Variants in PKHD1L1 observed in about 807,000 individuals in gnomAD.
PKHD1L1 encodes fibrocystin-L.
Under a neutral mutation model 462.9 loss-of-function variants are expected in PKHD1L1, and 434 were observed. The ratio of observed to expected loss-of-function variants is 0.94; its 90% confidence interval spans 0.87 to 1.02. The LOEUF (loss-of-function observed/expected upper bound fraction) is 1.02. Among genes scored for constraint, PKHD1L1 ranks in the 50% least tolerant of loss-of-function variants. The pLI is 0.00. For missense variants in PKHD1L1, 5,202 were observed against 5,096.1 expected (o/e 1.02, Z -0.63); for synonymous variants, 1,781 against 1,750.0 (o/e 1.02, Z -0.44).
chr8:109,451,006 T>C lies in PKHD1L1; in HGVS notation c.6207T>C (p.Ser2069=), dbSNP rs1816459234. Residue 2069 remains serine, a synonymous_variant, in exon 41 of 78, where the codon AGT becomes AGC. Transcript: ENST00000378402. The part of the protein sequence containing the change: ...GTGAEQACEV[S]VVNGKDLSQS... ...GAGCTGAGCAAGCCTGTGAAGTGAGTGTGGTTAATGGGAAAGATTTGTCAC... is the reference window on the plus strand; with the variant it reads ...GAGCTGAGCAAGCCTGTGAAGTGAGCGTGGTTAATGGGAAAGATTTGTCAC... The C allele has an allele frequency of 6.2e-7, 1 of 1,612,412 alleles. No individual in the cohort carries two copies. The highest frequency in any genetic ancestry group is 1.3e-5 in the African/African-American group (1 of 74,862).
intron 9 of PKHD1L1, 56 bp downstream of exon 9, chr8:109,390,550 TA>T: frequency 9.9e-7 from 1 of 1,013,148 alleles, no homozygotes; most frequent in South Asian, 2.0e-5. Context: ...GTAAATAAGA[TA>T]AAATGTATAT....
At position 109,443,892 on chromosome 8, in the gene PKHD1L1, G is replaced by A; in HGVS notation, c.4781G>A (p.Trp1594Ter). 1 of 1,604,844 alleles carries A rather than the reference G, an allele frequency of 6.2e-7. No individual in the cohort carries two copies. Among genetic ancestry groups the A allele is most frequent in the Non-Finnish European group, 8.5e-7 (1 of 1,172,390 alleles). ...IIGHGFSNLP[W>*]ANKVTIGSYP... is the part of the protein sequence containing the mutation. ...GGACATGGCTTTAGTAATCTCCCAT[G>A]GGCTAATAAGGTAAGAATATAAATA... The change falls in exon 37 of 78, where the codon TGG becomes TAG. Residue 1594 changes from tryptophan to a stop codon, truncating the protein, a stop_gained. Coordinates refer to ENST00000378402, the MANE Select transcript of PKHD1L1 (RefSeq NM_177531.6). LOFTEE classifies it high-confidence loss of function.
intron 50 of PKHD1L1, chr8:109,471,062 T>A: frequency 1.9e-6 from 3 of 1,583,080 alleles, no homozygotes; most frequent in Non-Finnish European, 2.6e-6. Flanking sequence ...TGCGATGAAA[T>A]CTTCTCCTCA....
intron 23 of PKHD1L1, among the ~76,000 whole-genome samples, chr8:109,423,515 A>G (rs1274744275): frequency 2.0e-5 from 3 of 152,086 alleles, no homozygotes; most frequent in Non-Finnish European, 4.4e-5. Flanking sequence ...CACATTCTTG[A>G]CTATTGTATC....
Position 109,504,358 on chromosome 8 carries a change from T to C in PKHD1L1, c.10860T>C (p.Cys3620=), listed in dbSNP as rs1387304735. The C allele has an allele frequency of 2.1e-5, 31 of 1,487,668 alleles. No homozygotes were observed. Among genetic ancestry groups the C allele is most frequent in the Non-Finnish European group, 2.8e-5 (31 of 1,099,614 alleles). The allele number at this position is 1,487,668 out of a possible 1,614,324, so 92.2% of individuals were successfully genotyped here. The change falls in exon 68 of 78, where the codon TGT becomes TGC. Residue 3620 remains cysteine (C), a synonymous_variant. Transcript: ENST00000378402. ...GSTFVGFKNV[C]SGETNVIFIT... is the part of the protein sequence containing the mutation. ...CATTTGTTGGATTTAAGAATGTTTG[T>C]TCAGGGGAAACTAATGTTATATTCA...
At position 109,481,536 on chromosome 8, in the gene PKHD1L1, G is replaced by C; in HGVS notation, c.9431G>C (p.Gly3144Ala). The stretch of plus-strand genomic sequence containing the variant: ...ACACAAGACTGGGCTCTTCCAGAAG[G>C]ACCAAATCAAGGGGCAAAGGTCTTA... ...HTTQDWALPE[G>A]PNQGAKVLGV... The change falls in exon 56 of 78, where the codon GGA becomes GCA. Residue 3144 changes from glycine (G) to alanine (A), a missense_variant. By Grantham distance (60) the Gly-to-Ala change is moderately conservative. This residue lies in a region of PKHD1L1 where 4,497 missense variants were observed against 4,336.8 expected (regional missense o/e 1.04). Coordinates refer to ENST00000378402, the MANE Select transcript of PKHD1L1 (RefSeq NM_177531.6). The C allele has an allele frequency of 6.3e-7, 1 of 1,595,274 alleles. No homozygotes were observed. The highest frequency in any genetic ancestry group is 8.5e-7 in the Non-Finnish European group (1 of 1,170,300).
chr8:109,503,534 A>G (rs941098906), intron 67 of PKHD1L1, among the ~76,000 whole-genome samples: 2 of 152,220 alleles, frequency 1.3e-5, no homozygotes, highest in African/African-American at 4.8e-5. Flanking sequence ...TAGATAAAAC[A>G]TAACTGATTT....
intron 57 of PKHD1L1, 119 bp downstream of exon 57, chr8:109,483,224 G>T (rs1563595430): frequency 2.8e-6 from 2 of 709,934 alleles, no homozygotes; most frequent in African/African-American, 3.8e-5. Context: ...TGAAAAATGT[G>T]TATTTTGCAA....
At chr8:109,450,862 A>G in intron 40 of PKHD1L1, 113 bp from the exon 41 acceptor site, 1 of 1,068,974 alleles carries the variant, frequency 9.4e-7, no homozygotes. Context: ...GGTATATTGG[A>G]AAAGGAAGAT....
chr8:109,427,468 G>A (rs948579454), intron 25 of PKHD1L1, among the ~76,000 whole-genome samples: 1 of 151,988 alleles, frequency 6.6e-6, no homozygotes, highest in Admixed American at 6.6e-5. Context: ...GAACTAAACC[G>A]AACTAAATCC....
At position 109,480,109 on chromosome 8, in the gene PKHD1L1, T is replaced by C; in HGVS notation, c.9297T>C (p.Val3099=). 6.3e-7 allele frequency: 1 copy of C among 1,575,152 alleles called. No individual in the cohort carries two copies. Among genetic ancestry groups the C allele is most frequent in the Non-Finnish European group, 8.6e-7 (1 of 1,160,016 alleles). ...CTGCAGAATCTTCTTACAGAGAAGT[T>C]GTTTTGAATGCTACCTACATATCAC... ...VGAAESSYRE[V]VLNATYISLQ... The change falls in exon 55 of 78, where the codon GTT becomes GTC. Residue 3099 remains valine (V), a synonymous_variant. Coordinates refer to ENST00000378402, the MANE Select transcript of PKHD1L1 (RefSeq NM_177531.6).
rs755298060 is a variant in PKHD1L1, at chr8:109,459,791, G to C, written c.7201G>C (p.Glu2401Gln). 1.9e-6 allele frequency: 3 copies of C among 1,611,312 alleles called. No homozygotes were observed. Among genetic ancestry groups the C allele is most frequent in the Non-Finnish European group, 1.7e-6 (2 of 1,178,584 alleles). ...NILIRGSDNVEWNNKIPACPD... is the reference protein window; with the variant it reads ...NILIRGSDNVQWNNKIPACPD... ...TTTAATAAGAGGATCTGATAATGTT[G>C]AGTGGAATAACAAAATTCCTGCATG... The change falls in exon 47 of 78, where the codon GAG (glutamate) becomes CAG (glutamine). Residue 2401 changes from glutamate to glutamine, a missense_variant. Coordinates refer to ENST00000378402, the MANE Select transcript of PKHD1L1 (RefSeq NM_177531.6).
At chr8:109,504,897 G>A (rs1819614677) in intron 68 of PKHD1L1, among the ~76,000 whole-genome samples, 1 of 152,010 alleles carries the variant, frequency 6.6e-6, no homozygotes, top group Admixed American at 6.6e-5. Context: ...AGGACATCCT[G>A]GAAAATAACT....
At chr8:109,398,312 G>A in intron 11 of PKHD1L1, 147 bp from the exon 12 acceptor site, 1 of 577,438 alleles carries the variant, frequency 1.7e-6, no homozygotes, top group South Asian at 2.1e-5. Context: ...AGCTTTAATA[G>A]AGAATATGTA....
chr8:109,425,180 T>C lies in PKHD1L1; in HGVS notation c.2793T>C (p.Ser931=), dbSNP rs1814675870. 1 of 1,609,980 alleles carries C rather than the reference T, an allele frequency of 6.2e-7. No individual in the cohort carries two copies. Among genetic ancestry groups the C allele is most frequent in the Non-Finnish European group, 8.5e-7 (1 of 1,178,448 alleles). The change falls in exon 24 of 78, where the codon TCT becomes TCC. Residue 931 remains serine, a synonymous_variant. Transcript: ENST00000378402. Reference sequence around the variant, plus strand: ...ATATTCAAAGAATTCAAGCTGCATCTCCACCTCTAAGTGGCAGCTTTGACA... The same window carrying C: ...ATATTCAAAGAATTCAAGCTGCATCCCCACCTCTAAGTGGCAGCTTTGACA... ...KIHIQRIQAA[S]PPLSGSFDIQ...
chr8:109,497,730 A>G (rs1819188170), intron 65 of PKHD1L1, among the ~76,000 whole-genome samples: 1 of 152,000 alleles, frequency 6.6e-6, no homozygotes. Flanking sequence ...CCAACAAAAA[A>G]GCTGTTCATT....
intron 16 of PKHD1L1, among the ~76,000 whole-genome samples, chr8:109,405,910 T>A (rs549242159): frequency 1.4e-4 from 22 of 152,102 alleles, no homozygotes; most frequent in Admixed American, 2.6e-4. Context: ...AGTAAACATG[T>A]CTTTCAATTT....
intron 9 of PKHD1L1, among the ~76,000 whole-genome samples, chr8:109,391,231 T>C (rs1008446886): frequency 6.6e-6 from 1 of 152,086 alleles, no homozygotes; most frequent in African/African-American, 2.4e-5. Flanking sequence ...ACTGGGAAAA[T>C]GAGACTTAGG....
At chr8:109,507,424 A>G (rs992340529) in intron 68 of PKHD1L1, among the ~76,000 whole-genome samples, 1 of 152,172 alleles carries the variant, frequency 6.6e-6, no homozygotes, top group African/African-American at 2.4e-5. Flanking sequence ...TATATCCCAC[A>G]GGTATGACTT....
Sources: gnomAD v4.1 joint callset for allele counts (sites outside exome capture counted in the v4.1 genomes callset) on GRCh38, gnomAD v4.1.1 for gene constraint, gnomAD v4.1.1 regional missense constraint, MANE v1.5 for transcripts, NCBI Gene and HGNC (gene_info 2026-07-23, HGNC 2026-07-21) for gene names.